Variants in SGCZ observed in about 807,000 individuals in gnomAD.
The protein encoded by SGCZ is zeta-sarcoglycan.
Under a neutral mutation model 41.3 loss-of-function variants are expected in SGCZ, and 40 were observed. That is an observed-to-expected ratio of 0.97 (90% CI 0.75 to 1.26). The LOEUF is 1.26. SGCZ is among the 50% of genes most tolerant of loss of function. The probability of loss-of-function intolerance (pLI) is 0.00; values close to 1 mark genes in which losing one functional copy is unlikely to be tolerated. For synonymous variants in SGCZ, 206 were observed against 137.5 expected (o/e 1.50, Z -3.49); for missense variants, 552 against 369.8 (o/e 1.49, Z -4.04).
In SGCZ at chr8:14,086,302, T is replaced by C. The variant is rs930582214; in HGVS notation, c.*4141A>G. Reference sequence around the variant, plus strand: ...ATTATTATGTTGACATTCTCTGCTATGAAATATAACACTCATATGCATTAG... The same window carrying C: ...ATTATTATGTTGACATTCTCTGCTACGAAATATAACACTCATATGCATTAG... On this transcript the variant is annotated 3_prime_UTR_variant, in exon 8 of 8. Coordinates refer to ENST00000382080, the MANE Select transcript of SGCZ (RefSeq NM_139167.4). 1.3e-5 allele frequency among the ~76,000 whole-genome samples: 2 copies of C among 151,880 alleles called. No individual in the cohort carries two copies. The highest frequency in any genetic ancestry group is 3.9e-4 in the East Asian group (2 of 5,146).
chr8:15,170,899 G>A (rs1051916260), intron 1 of SGCZ, among the ~76,000 whole-genome samples: 1 of 152,172 alleles, frequency 6.6e-6, no homozygotes, highest in Non-Finnish European at 1.5e-5. Flanking sequence ...GCACAGTTGT[G>A]TAATCCAGTG....
intron 2 of SGCZ, among the ~76,000 whole-genome samples, chr8:14,400,229 A>G (rs1394452064): frequency 6.6e-6 from 1 of 152,092 alleles, no homozygotes. Flanking sequence ...ATATTTCATT[A>G]TTTATATAGC....
intron 2 of SGCZ, among the ~76,000 whole-genome samples, chr8:14,380,677 C>G (rs1376162692): frequency 1.3e-5 from 2 of 152,084 alleles, no homozygotes; most frequent in African/African-American, 4.8e-5. Context: ...CATGGTGAAT[C>G]CCAGTCTCTA....
intron 1 of SGCZ, among the ~76,000 whole-genome samples, chr8:15,160,756 G>A (rs1027508860): frequency 1.3e-5 from 2 of 152,150 alleles, no homozygotes; most frequent in Admixed American, 6.6e-5. Context: ...TTCAATTGGT[G>A]CTCTGCTCTT....
intron 1 of SGCZ, among the ~76,000 whole-genome samples, chr8:14,835,296 G>C (rs928187305): frequency 1.3e-5 from 2 of 152,056 alleles, no homozygotes; most frequent in East Asian, 3.9e-4. Context: ...ATTATACTAG[G>C]ATTCCAAATA....
chr8:14,894,636 G>A (rs2130748412), intron 1 of SGCZ, among the ~76,000 whole-genome samples: 1 of 152,004 alleles, frequency 6.6e-6, no homozygotes, highest in South Asian at 2.1e-4. Context: ...GATCTCACTG[G>A]GCAATCTTTT....
intron 1 of SGCZ, among the ~76,000 whole-genome samples, chr8:15,111,900 CAA>C (rs59606190): frequency 1.1e-4 from 16 of 140,632 alleles, no homozygotes; most frequent in East Asian, 6.3e-4. Flanking sequence ...CTCCGTCTCC[CAA>C]AAAAAAAAAA....
intron 2 of SGCZ, among the ~76,000 whole-genome samples, chr8:14,396,543 A>C (rs1364680993): frequency 6.6e-6 from 1 of 152,004 alleles, no homozygotes; most frequent in Non-Finnish European, 1.5e-5. Context: ...GTACATAAAC[A>C]TGTAAACTTT....
chr8:14,847,126 AAAGAAGAAGAAGAAGAAGAAGAAG>A (rs61002020), intron 1 of SGCZ, among the ~76,000 whole-genome samples: 4,771 of 126,428 alleles, frequency 0.038, 105 homozygotes, highest in Non-Finnish European at 0.048. Context: ...GAAGAAGAAG[AAAGAAGAAGAAGAAGAAGAAGAAG>A]AAGAAGAAGA....
intron 2 of SGCZ, among the ~76,000 whole-genome samples, chr8:14,431,797 A>C (rs926555380): frequency 6.6e-6 from 1 of 152,202 alleles, no homozygotes; most frequent in Non-Finnish European, 1.5e-5. Context: ...ACAATGGACT[A>C]ATATCCAGAA....
At chr8:14,906,990 C>T (rs1233494176) in intron 1 of SGCZ, among the ~76,000 whole-genome samples, 1 of 152,084 alleles carries the variant, frequency 6.6e-6, no homozygotes, top group Non-Finnish European at 1.5e-5. Context: ...AATTCAATAA[C>T]CTTAAATCAT....
At chr8:15,150,464 A>C (rs1799146909) in intron 1 of SGCZ, among the ~76,000 whole-genome samples, 1 of 152,102 alleles carries the variant, frequency 6.6e-6, no homozygotes, top group Non-Finnish European at 1.5e-5. Context: ...AAGCCACGTG[A>C]TTCACTCCCA....
At chr8:14,734,730 C>T (rs774198690) in intron 1 of SGCZ, among the ~76,000 whole-genome samples, 5 of 152,060 alleles carry the variant, frequency 3.3e-5, no homozygotes, top group Non-Finnish European at 4.4e-5. Flanking sequence ...TAGTATTAAA[C>T]AAGAAAAGCT....
chr8:14,645,238 A>G (rs1263828360), intron 1 of SGCZ, among the ~76,000 whole-genome samples: 1 of 150,442 alleles, frequency 6.6e-6, no homozygotes, highest in African/African-American at 2.4e-5. Flanking sequence ...AGGGTTCACA[A>G]TGACAACTTC....
intron 3 of SGCZ, among the ~76,000 whole-genome samples, chr8:14,255,656 T>A (rs1400166601): frequency 6.6e-6 from 1 of 152,110 alleles, no homozygotes; most frequent in African/African-American, 2.4e-5. Context: ...TTTTAATGAA[T>A]TTTTCTCCAA....
At chr8:14,631,720 A>G (rs924079115) in intron 1 of SGCZ, among the ~76,000 whole-genome samples, 2 of 152,140 alleles carry the variant, frequency 1.3e-5, no homozygotes, top group African/African-American at 4.8e-5. Context: ...TTTATCTACC[A>G]TTAGTATTAT....
chr8:14,384,620 C>G (rs1292445155), intron 2 of SGCZ, among the ~76,000 whole-genome samples: 1 of 152,150 alleles, frequency 6.6e-6, no homozygotes, highest in Non-Finnish European at 1.5e-5. Context: ...AGTGCAATGG[C>G]ACCATCTCAG....
intron 1 of SGCZ, among the ~76,000 whole-genome samples, chr8:14,952,731 T>A (rs558300766): frequency 6.6e-6 from 1 of 152,222 alleles, no homozygotes; most frequent in East Asian, 1.9e-4. Context: ...GCAGGGACAT[T>A]GATTTTCTTG....
At chr8:14,242,016 G>C (rs756986646) in intron 3 of SGCZ, among the ~76,000 whole-genome samples, 3 of 152,126 alleles carry the variant, frequency 2.0e-5, no homozygotes, top group South Asian at 2.1e-4. Flanking sequence ...GGATACAAAA[G>C]AGAAAGAAAG....
Sources: gnomAD v4.1 joint callset for allele counts (sites outside exome capture counted in the v4.1 genomes callset) on GRCh38, gnomAD v4.1.1 for gene constraint, MANE v1.5 for transcripts, NCBI Gene and HGNC (gene_info 2026-07-23, HGNC 2026-07-21) for gene names.